Variants in STK24 observed in about 807,000 individuals in gnomAD.
STK24 encodes the protein serine/threonine-protein kinase 24.
In STK24, 21 loss-of-function variants were observed where a neutral mutation model predicts 55.6. That is an observed-to-expected ratio of 0.38 (90% CI 0.27 to 0.54). STK24 has a LOEUF of 0.54. Among genes scored for constraint, STK24 ranks in the 20% least tolerant of loss-of-function variants. The pLI is 0.79. For missense variants in STK24, 383 were observed against 538.4 expected (o/e 0.71, Z 2.86); for synonymous variants, 200 against 215.2 (o/e 0.93, Z 0.62).
chr13:98,521,993 C>A lies in STK24; in HGVS notation c.43-2520G>T, dbSNP rs548297072. 20 of 1,441,876 alleles carry A rather than the reference C, an allele frequency of 1.4e-5. No homozygotes were observed. The African/African-American group carries it at 2.1e-4, about 15-fold the overall frequency. 89.3% of individuals were successfully genotyped at this position (1,441,876 alleles called of 1,614,324 possible). A position where few individuals can be genotyped will look rare whatever the true frequency, so the allele number is the denominator to read the frequency against. On this transcript the variant is annotated intron_variant, in intron 1 of 10. Coordinates refer to ENST00000539966, the MANE Select transcript of STK24 (RefSeq NM_001032296.4). ...AAACAAACGAAAGCACTCTCCCTAA[C>A]CCAAAGCCCTCCTCCTCCACTCTCT...
chr13:98,477,674 CAAA>C (rs34403507), intron 3 of STK24, among the ~76,000 whole-genome samples: 1 of 91,878 alleles, frequency 1.1e-5, no homozygotes, highest in Non-Finnish European at 2.3e-5. Flanking sequence ...GATTCCGTCT[CAAA>C]AAAAAAAAAA....
Position 98,543,594 on chromosome 13 carries a change from CAG to C in STK24, c.43-24123_43-24122del, listed in dbSNP as rs369427895. ...CCCGAAGACGCGGGTCTGATCGCTG[CAG>C]AGAGACAGAGAATACAGAGAGAGGG... is the stretch of plus-strand genomic sequence containing the variant. On this transcript the variant is annotated intron_variant, in intron 1 of 10. Coordinates refer to ENST00000539966, the MANE Select transcript of STK24 (RefSeq NM_001032296.4). 6.2e-3 allele frequency among the ~76,000 whole-genome samples: 938 copies of C among 152,286 alleles called. 11 individuals are homozygous for C. Among genetic ancestry groups the C allele is most frequent in the African/African-American group, 0.021 (873 of 41,554 alleles).
At chr13:98,471,502 C>T (rs1166630378) in intron 5 of STK24, among the ~76,000 whole-genome samples, 7 of 152,166 alleles carry the variant, frequency 4.6e-5, no homozygotes, top group Non-Finnish European at 1.0e-4. Flanking sequence ...GATGGGGACT[C>T]CTTCAAACAA....
Position 98,446,767 on chromosome 13 carries a change from C to T in STK24, c.*6406G>A, listed in dbSNP as rs144436647. ...AAGACTACGTGTTCAAGCTGCACTT[C>T]AAGTCCCACGTCTACTACTTCAGGG... On this transcript the variant is annotated 3_prime_UTR_variant, in exon 11 of 11. Transcript: ENST00000539966. 1 of 1,614,202 alleles carries T rather than the reference C, an allele frequency of 6.2e-7. No homozygotes were observed. The highest frequency in any genetic ancestry group is 2.2e-5 in the East Asian group (1 of 44,868).
At chr13:98,530,984 C>T (rs771775832) in intron 1 of STK24, among the ~76,000 whole-genome samples, 1 of 152,158 alleles carries the variant, frequency 6.6e-6, no homozygotes. Context: ...TTTAGTATGG[C>T]TGAACTTTAG....
intron 1 of STK24, among the ~76,000 whole-genome samples, chr13:98,551,221 G>A (rs1320961355): frequency 2.6e-5 from 4 of 151,496 alleles, no homozygotes; most frequent in Non-Finnish European, 5.9e-5. Flanking sequence ...GGGAGGCGGA[G>A]CTTGCAGTGA....
At chr13:98,506,338 C>G (rs1182224419) in intron 2 of STK24, among the ~76,000 whole-genome samples, 2 of 152,320 alleles carry the variant, frequency 1.3e-5, no homozygotes, top group East Asian at 1.9e-4. Context: ...TTTCAGACAG[C>G]TGGATTCCTA....
In STK24 at chr13:98,488,160, GACACACACACACACACACAC is replaced by G. The variant is rs71213678; in HGVS notation, c.274-5859_274-5840del. Among the ~76,000 whole-genome samples the G allele has an allele frequency of 1.4e-3, 188 of 130,408 alleles. No individual in the cohort carries two copies. In the East Asian group the frequency reaches 0.02, roughly 14 times the overall value. 85.6% of individuals were successfully genotyped at this position (130,408 alleles called of 152,430 possible). A position where few individuals can be genotyped will look rare whatever the true frequency, so the allele number is the denominator to read the frequency against. On this transcript the variant is annotated intron_variant, in intron 2 of 10. Coordinates refer to ENST00000539966, the MANE Select transcript of STK24 (RefSeq NM_001032296.4). Reference sequence around the variant, plus strand: ...GGCTGGTGTCATAAAAAGAGATGAAGACACACACACACACACACACACACACACACACACACACACACACA... The same window carrying G: ...GGCTGGTGTCATAAAAAGAGATGAAGACACACACACACACACACACACACA...
intron 9 of STK24, among the ~76,000 whole-genome samples, chr13:98,459,888 G>T (rs1163566205): frequency 6.6e-6 from 1 of 152,224 alleles, no homozygotes; most frequent in East Asian, 1.9e-4. Context: ...CCTCTGGGAG[G>T]GAGAGGCTGA....
chr13:98,567,258 T>C (rs1418188224), intron 1 of STK24, among the ~76,000 whole-genome samples: 1 of 152,214 alleles, frequency 6.6e-6, no homozygotes, highest in African/African-American at 2.4e-5. Flanking sequence ...ACATGGCCAC[T>C]GGGACAGCCA....
chr13:98,477,924 T>G (rs140491568), intron 3 of STK24, among the ~76,000 whole-genome samples: 1 of 152,174 alleles, frequency 6.6e-6, no homozygotes, highest in Non-Finnish European at 1.5e-5. Flanking sequence ...GGCTCTGTGA[T>G]GACTGTCTGC....
At chr13:98,503,196 G>A (rs749541587) in intron 2 of STK24, among the ~76,000 whole-genome samples, 6 of 151,586 alleles carry the variant, frequency 4.0e-5, no homozygotes, top group Admixed American at 2.0e-4. Flanking sequence ...ACACAACTCC[G>A]CACACTTGTA....
intron 1 of STK24, among the ~76,000 whole-genome samples, chr13:98,525,051 G>A (rs376729824): frequency 5.3e-5 from 8 of 152,358 alleles, no homozygotes; most frequent in South Asian, 2.1e-4. Flanking sequence ...TTCCCTGCGC[G>A]GGCAGCCCTG....
Position 98,531,692 on chromosome 13 carries a change from G to C in STK24, c.43-12219C>G, listed in dbSNP as rs181943726. 1.2e-4 allele frequency among the ~76,000 whole-genome samples: 18 copies of C among 152,268 alleles called. No homozygotes were observed. In the East Asian group the frequency reaches 2.5e-3, roughly 21 times the overall value. The stretch of plus-strand genomic sequence containing the variant: ...ACATCAGGGCTCCTCTTGAAGCCAA[G>C]GAACAAATTTGAATCCCTGTTCTCC... On this transcript the variant is annotated intron_variant, in intron 1 of 10. Coordinates refer to ENST00000539966, the MANE Select transcript of STK24 (RefSeq NM_001032296.4).
intron 6 of STK24, among the ~76,000 whole-genome samples, chr13:98,465,654 G>A (rs1400052551): frequency 6.6e-6 from 1 of 152,210 alleles, no homozygotes; most frequent in Non-Finnish European, 1.5e-5. Context: ...GGAAACCATG[G>A]TGCTCTTGTA....
chr13:98,494,961 C>T (rs1349306760), intron 2 of STK24, among the ~76,000 whole-genome samples: 1 of 152,210 alleles, frequency 6.6e-6, no homozygotes, highest in African/African-American at 2.4e-5. Context: ...CCACCAACGC[C>T]TCGGTGAAGA....
intron 1 of STK24, among the ~76,000 whole-genome samples, chr13:98,530,345 T>C (rs759157174): frequency 6.6e-6 from 1 of 152,224 alleles, no homozygotes; most frequent in Non-Finnish European, 1.5e-5. Flanking sequence ...CCAGAGCTCC[T>C]GGCCTTCTCA....
At chr13:98,571,004 G>A (rs1202839484) in intron 1 of STK24, among the ~76,000 whole-genome samples, 3 of 152,164 alleles carry the variant, frequency 2.0e-5, no homozygotes, top group African/African-American at 7.2e-5. Flanking sequence ...AAAAGGCACA[G>A]AAAGGTGGCT....
intron 2 of STK24, among the ~76,000 whole-genome samples, chr13:98,511,396 C>G (rs563506279): frequency 8.5e-5 from 13 of 152,282 alleles, no homozygotes; most frequent in African/African-American, 3.1e-4. Flanking sequence ...TACAGGCACT[C>G]TGGAAAATTA....
Sources: gnomAD v4.1 joint callset for allele counts (sites outside exome capture counted in the v4.1 genomes callset) on GRCh38, gnomAD v4.1.1 for gene constraint, MANE v1.5 for transcripts, NCBI Gene and HGNC (gene_info 2026-07-23, HGNC 2026-07-21) for gene names.